Variants in CSMD2 observed in about 807,000 individuals in gnomAD.
CSMD2 encodes the protein CUB and Sushi multiple domains 2.
A neutral mutation model predicts 398.5 loss-of-function variants in CSMD2; 130 were observed. That is an observed-to-expected ratio of 0.33 (90% CI 0.28 to 0.38). CSMD2 has a LOEUF of 0.38. CSMD2 is among the 10% of genes least tolerant of loss of function. The pLI, the probability that CSMD2 is intolerant of heterozygous loss-of-function variation, is 1.00. For missense variants in CSMD2, 3,829 were observed against 4,764.9 expected (o/e 0.80, Z 5.78); for synonymous variants, 1,828 against 1,908.5 (o/e 0.96, Z 1.10).
chr1:33,616,559 G>C (rs1641401117), intron 39 of CSMD2, among the ~76,000 whole-genome samples: 1 of 152,146 alleles, frequency 6.6e-6, no homozygotes, highest in African/African-American at 2.4e-5. Flanking sequence ...TTCTTTATTA[G>C]ATTTGTCTGT....
intron 3 of CSMD2, among the ~76,000 whole-genome samples, chr1:33,960,168 C>G (rs1235404671): frequency 6.6e-6 from 1 of 152,192 alleles, no homozygotes. Flanking sequence ...CCAACTCAAG[C>G]TGGCCTCTTG....
intron 54 of CSMD2, among the ~76,000 whole-genome samples, chr1:33,558,855 CTT>C (rs1437281426): frequency 2.6e-5 from 4 of 152,004 alleles, no homozygotes; most frequent in Non-Finnish European, 5.9e-5. Flanking sequence ...ATGGGGATCT[CTT>C]AAGAGTGGTT....
chr1:33,612,801 C>T (rs1369944137), intron 40 of CSMD2, among the ~76,000 whole-genome samples: 1 of 152,014 alleles, frequency 6.6e-6, no homozygotes, highest in Non-Finnish European at 1.5e-5. Flanking sequence ...CCTGCCTCAG[C>T]CTCCCAAGTA....
At chr1:34,090,427 T>G (rs1310032443) in intron 1 of CSMD2, among the ~76,000 whole-genome samples, 1 of 152,186 alleles carries the variant, frequency 6.6e-6, no homozygotes, top group Admixed American at 6.5e-5. Flanking sequence ...TTCCCACTTG[T>G]GCATTGGTTA....
intron 24 of CSMD2, among the ~76,000 whole-genome samples, chr1:33,697,177 T>C (rs567852688): frequency 3.3e-5 from 5 of 152,184 alleles, no homozygotes; most frequent in Admixed American, 2.0e-4. Flanking sequence ...AATAATTATC[T>C]TGTAATACGA....
At chr1:33,815,481 G>A (rs1657350931) in intron 9 of CSMD2, 1 of 152,186 alleles carries the variant, frequency 6.6e-6, no homozygotes, top group South Asian at 2.1e-4. Context: ...AAAATTAAAA[G>A]TTACCCAAAA....
chr1:33,748,641 C>T (rs969203785), intron 13 of CSMD2, among the ~76,000 whole-genome samples: 6 of 152,020 alleles, frequency 3.9e-5, no homozygotes, highest in Admixed American at 1.3e-4. Context: ...AGACCTAATA[C>T]AAAATCCAAA....
chr1:33,517,060 C>A (rs888342566), intron 70 of CSMD2, among the ~76,000 whole-genome samples: 2 of 152,096 alleles, frequency 1.3e-5, no homozygotes, highest in East Asian at 1.9e-4. Flanking sequence ...CAGCCCTGTT[C>A]CCCCGCCCTG....
At chr1:33,647,820 G>C (rs1010124724) in intron 28 of CSMD2, among the ~76,000 whole-genome samples, 2 of 152,212 alleles carry the variant, frequency 1.3e-5, no homozygotes, top group African/African-American at 4.8e-5. Context: ...CTTGTTTCAC[G>C]AAGGGAGGGG....
chr1:33,558,333 A>T (rs1029171293), intron 54 of CSMD2, among the ~76,000 whole-genome samples: 1 of 152,214 alleles, frequency 6.6e-6, no homozygotes, highest in Non-Finnish European at 1.5e-5. Context: ...AACTGACTTG[A>T]ACAGGGTTGG....
intron 19 of CSMD2, 56 bp from the exon 20 acceptor site, chr1:33,716,557 G>T: frequency 8.1e-7 from 1 of 1,227,958 alleles, no homozygotes; most frequent in Non-Finnish European, 1.2e-6. Flanking sequence ...GAGAACCTCA[G>T]CTGCAAGACA....
intron 12 of CSMD2, among the ~76,000 whole-genome samples, chr1:33,778,117 T>C (rs1444339377): frequency 1.8e-4 from 28 of 152,198 alleles, no homozygotes. Context: ...CAATGTTACC[T>C]CCTCCAAGAC....
chr1:33,935,922 T>G lies in CSMD2; in HGVS notation c.550A>C (p.Arg184=). 1 of 1,612,776 alleles carries G rather than the reference T, an allele frequency of 6.2e-7. No homozygotes were observed. The part of the protein sequence containing the change: ...LPSHTCGNPG[R]LPNGIQQGST... ...CCCTGCTGGATGCCATTGGGCAGCC[T>G]CCCTGGGTTCCCACATGTGTGGCTG... Residue 184 remains arginine, a synonymous_variant, in exon 4 of 71, where the codon AGG becomes CGG. Transcript: ENST00000373381.
intron 5 of CSMD2, among the ~76,000 whole-genome samples, chr1:33,851,927 T>C (rs1330758312): frequency 6.6e-6 from 1 of 152,136 alleles, no homozygotes; most frequent in Non-Finnish European, 1.5e-5. Flanking sequence ...CAAGGCTTTT[T>C]TTTTTACCAG....
At chr1:33,787,212 G>A (rs1008420098) in intron 12 of CSMD2, among the ~76,000 whole-genome samples, 3 of 152,210 alleles carry the variant, frequency 2.0e-5, no homozygotes, top group Non-Finnish European at 4.4e-5. Context: ...TGGCCCTGCT[G>A]AGCCTTGGCG....
In CSMD2 at chr1:33,625,658, G is replaced by A. The variant is rs1352354896; in HGVS notation, c.5297-404C>T. On this transcript the variant is annotated intron_variant, in intron 33 of 70. Coordinates refer to ENST00000373381, the MANE Select transcript of CSMD2 (RefSeq NM_001281956.2). ...CCCCATGTGCCTTAAGATCCTGCCT[G>A]GGGCCCTGCCCTCCATGACCCCCAG... is the stretch of plus-strand genomic sequence containing the variant. 3.3e-5 allele frequency among the ~76,000 whole-genome samples: 5 copies of A among 152,132 alleles called. No individual in the cohort carries two copies. In the East Asian group the frequency reaches 7.7e-4, roughly 23 times the overall value.
chr1:33,531,262 TCAAA>T (rs1655207432), intron 64 of CSMD2, among the ~76,000 whole-genome samples: 1 of 152,076 alleles, frequency 6.6e-6, no homozygotes, highest in Non-Finnish European at 1.5e-5. Context: ...GGATGAAAAT[TCAAA>T]CAAACAATAA....
At chr1:34,092,764 C>T (rs1445726214) in intron 1 of CSMD2, among the ~76,000 whole-genome samples, 6 of 152,018 alleles carry the variant, frequency 3.9e-5, no homozygotes, top group Non-Finnish European at 7.4e-5. Context: ...TCCTACCCCA[C>T]GGAGTCTCGC....
At chr1:34,104,915 C>T (rs572833761) in intron 1 of CSMD2, among the ~76,000 whole-genome samples, 21 of 152,298 alleles carry the variant, frequency 1.4e-4, no homozygotes, top group African/African-American at 5.1e-4. Flanking sequence ...TTGTCACCTG[C>T]AGTGCTTGGC....
Sources: gnomAD v4.1 joint callset for allele counts (sites outside exome capture counted in the v4.1 genomes callset) on GRCh38, gnomAD v4.1.1 for gene constraint, MANE v1.5 for transcripts, NCBI Gene and HGNC (gene_info 2026-07-23, HGNC 2026-07-21) for gene names.